DOK6: variants seen among roughly 807,000 people sequenced by gnomAD.
DOK6 encodes downstream of tyrosine kinase 6.
A neutral mutation model predicts 44.0 loss-of-function variants in DOK6; 22 were observed. That is an observed-to-expected ratio of 0.50 (90% confidence interval 0.36 to 0.71). DOK6 has a LOEUF of 0.71. Among genes scored for constraint, DOK6 ranks in the 30% least tolerant of loss-of-function variants. The pLI is 0.00. For synonymous variants in DOK6, 166 were observed against 145.5 expected (o/e 1.14, Z -1.01); for missense variants, 340 against 416.4 (o/e 0.82, Z 1.60).
At chr18:69,525,701 A>G (rs1323998341) in intron 1 of DOK6, among the ~76,000 whole-genome samples, 1 of 139,230 alleles carries the variant, frequency 7.2e-6, no homozygotes, top group Non-Finnish European at 1.7e-5. Context: ...TGGATCATAA[A>G]GTCTCTTTTA....
At chr18:69,641,656 C>T (rs1237903918) in intron 3 of DOK6, among the ~76,000 whole-genome samples, 1 of 152,200 alleles carries the variant, frequency 6.6e-6, no homozygotes, top group Admixed American at 6.5e-5. Context: ...GCTTGAGAAT[C>T]TCTGCAATGA....
chr18:69,737,576 T>C (rs1483597805), intron 5 of DOK6, among the ~76,000 whole-genome samples: 1 of 152,160 alleles, frequency 6.6e-6, no homozygotes, highest in Admixed American at 6.5e-5. Context: ...AAATCATAAA[T>C]ATGACCTTCA....
chr18:69,609,874 C>A (rs1984096126), intron 3 of DOK6, among the ~76,000 whole-genome samples: 1 of 152,052 alleles, frequency 6.6e-6, no homozygotes, highest in South Asian at 2.1e-4. Flanking sequence ...CAATATGCAA[C>A]AACATGGATG....
intron 3 of DOK6, among the ~76,000 whole-genome samples, chr18:69,648,745 T>C (rs1296876802): frequency 6.6e-6 from 1 of 152,176 alleles, no homozygotes; most frequent in East Asian, 1.9e-4. Context: ...CTAGGTGGAA[T>C]TTGTAGAAAA....
chr18:69,725,275 G>A (rs1321027802), intron 5 of DOK6, among the ~76,000 whole-genome samples: 1 of 152,158 alleles, frequency 6.6e-6, no homozygotes, highest in African/African-American at 2.4e-5. Context: ...GCTGGGCAGA[G>A]CGCCTTGCAT....
At chr18:69,797,617 A>G (rs895794092) in intron 7 of DOK6, among the ~76,000 whole-genome samples, 1 of 152,226 alleles carries the variant, frequency 6.6e-6, no homozygotes, top group African/African-American at 2.4e-5. Flanking sequence ...TGTTTTCCCA[A>G]TGAGATGTAA....
At chr18:69,788,863 G>A (rs570783588) in intron 7 of DOK6, among the ~76,000 whole-genome samples, 2 of 152,164 alleles carry the variant, frequency 1.3e-5, no homozygotes, top group East Asian at 3.9e-4. Context: ...TTTCAGCAAC[G>A]CTATCTCATG....
In DOK6 at chr18:69,622,066, A is replaced by G. The variant is rs981612761; in HGVS notation, c.289+22568A>G. On this transcript the variant is annotated intron_variant, in intron 3 of 7. Coordinates refer to ENST00000382713, the MANE Select transcript of DOK6 (RefSeq NM_152721.6). Reference sequence around the variant, plus strand: ...ATTTCCCTTTTGAATTTCAGTTTCTACAGATTCAAATGCCAGAAATATGTA... The same window carrying G: ...ATTTCCCTTTTGAATTTCAGTTTCTGCAGATTCAAATGCCAGAAATATGTA... Among the ~76,000 whole-genome samples the G allele has an allele frequency of 2.6e-5, 4 of 152,208 alleles. No homozygotes were observed. The South Asian group carries it at 8.3e-4, about 31-fold the overall frequency.
chr18:69,683,747 C>A (rs906754315), intron 4 of DOK6, among the ~76,000 whole-genome samples: 5 of 152,204 alleles, frequency 3.3e-5, no homozygotes, highest in Non-Finnish European at 5.9e-5. Context: ...TTATTTTAAG[C>A]CAACCAATTG....
At chr18:69,420,540 G>A (rs995806012) in intron 1 of DOK6, among the ~76,000 whole-genome samples, 17 of 151,638 alleles carry the variant, frequency 1.1e-4, no homozygotes, top group African/African-American at 2.9e-4. Context: ...TGTGCACAAC[G>A]TGCAGGTTTG....
intron 7 of DOK6, among the ~76,000 whole-genome samples, chr18:69,811,508 T>A (rs1376687002): frequency 7.2e-6 from 1 of 139,818 alleles, no homozygotes; most frequent in African/African-American, 2.9e-5. Context: ...CTAATTAGCT[T>A]GATTTAACCA....
intron 7 of DOK6, among the ~76,000 whole-genome samples, chr18:69,801,274 G>A (rs1980899057): frequency 6.6e-6 from 1 of 152,096 alleles, no homozygotes; most frequent in Non-Finnish European, 1.5e-5. Flanking sequence ...CCATATGTCT[G>A]TAGCATAATT....
chr18:69,722,220 G>T (rs750484628), intron 5 of DOK6, among the ~76,000 whole-genome samples: 1 of 152,034 alleles, frequency 6.6e-6, no homozygotes, highest in Non-Finnish European at 1.5e-5. Flanking sequence ...AATACTATTC[G>T]CATTTACACC....
intron 3 of DOK6, among the ~76,000 whole-genome samples, chr18:69,677,356 T>TTA (rs1451825336): frequency 3.4e-5 from 4 of 117,180 alleles, no homozygotes; most frequent in Non-Finnish European, 3.7e-5. Context: ...TATATATATA[T>TTA]TATATATGTG....
At chr18:69,641,378 G>A (rs10513970) in intron 3 of DOK6, among the ~76,000 whole-genome samples, 7,078 of 152,132 alleles carry the variant, frequency 0.047, 201 homozygotes, top group Middle Eastern at 0.088. Flanking sequence ...TTGAACAATA[G>A]CAATAACACC....
intron 1 of DOK6, among the ~76,000 whole-genome samples, chr18:69,520,385 T>C (rs776394395): frequency 6.6e-6 from 1 of 151,842 alleles, no homozygotes. Context: ...ACTTGAATAG[T>C]ATGTATGTCA....
rs188009840 is a variant in DOK6 at position 69,840,965 on chromosome 18, A to G, written c.857-279A>G. On this transcript the variant is annotated intron_variant, in intron 7 of 7. Transcript: ENST00000382713. Reference sequence around the variant, plus strand: ...ACAGCAGAAGTTTCAGATTCCCTAGAAAATCTACCTAGCTCTCTGGCATCC... The same window carrying G: ...ACAGCAGAAGTTTCAGATTCCCTAGGAAATCTACCTAGCTCTCTGGCATCC... Among the ~76,000 whole-genome samples, 9 of 152,372 alleles carry G rather than the reference A, an allele frequency of 5.9e-5. No homozygotes were observed. The East Asian group carries it at 1.7e-3, about 29-fold the overall frequency.
intron 7 of DOK6, among the ~76,000 whole-genome samples, chr18:69,809,380 TA>T (rs1981148168): frequency 1.3e-5 from 2 of 151,756 alleles, no homozygotes; most frequent in Non-Finnish European, 2.9e-5. Context: ...AATTTTTCTC[TA>T]AGATACAGAA....
At chr18:69,504,241 T>C (rs969892342) in intron 1 of DOK6, among the ~76,000 whole-genome samples, 10 of 152,106 alleles carry the variant, frequency 6.6e-5, no homozygotes, top group African/African-American at 2.2e-4. Flanking sequence ...ATCTCTTTGT[T>C]GTTTAAAATC....
Sources: gnomAD v4.1 joint callset for allele counts (sites outside exome capture counted in the v4.1 genomes callset) on GRCh38, gnomAD v4.1.1 for gene constraint, MANE v1.5 for transcripts, NCBI Gene and HGNC (gene_info 2026-07-23, HGNC 2026-07-21) for gene names.